UNC5D: variants seen among roughly 807,000 people sequenced by gnomAD.
The protein encoded by UNC5D is netrin receptor UNC5D.
UNC5D carries 39 observed loss-of-function variants against 105.4 expected under a neutral mutation model. The observed-to-expected ratio is 0.37, with a 90% confidence interval of 0.29 to 0.48. UNC5D has a LOEUF of 0.48. UNC5D is among the 20% of genes least tolerant of loss of function. The pLI is 0.98. For synonymous variants in UNC5D, 452 were observed against 450.4 expected (o/e 1.00, Z -0.04); for missense variants, 991 against 1,202.4 (o/e 0.82, Z 2.60).
At chr8:35,323,453 C>T (rs1809908991) in intron 1 of UNC5D, among the ~76,000 whole-genome samples, 1 of 151,956 alleles carries the variant, frequency 6.6e-6, no homozygotes, top group Admixed American at 6.6e-5. Flanking sequence ...CCTGGCTGCC[C>T]CAACCCCCTT....
intron 9 of UNC5D, among the ~76,000 whole-genome samples, chr8:35,723,446 T>C (rs563721878): frequency 6.6e-6 from 1 of 152,284 alleles, no homozygotes; most frequent in East Asian, 1.9e-4. Flanking sequence ...GTGGTGTTAC[T>C]CAAGCTGGAG....
chr8:35,271,677 AT>A (rs1321739658), intron 1 of UNC5D, among the ~76,000 whole-genome samples: 1 of 37,752 alleles, frequency 2.6e-5, no homozygotes, highest in East Asian at 7.8e-3. Context: ...AGGTATACAT[AT>A]ATATGTATAC....
intron 4 of UNC5D, among the ~76,000 whole-genome samples, chr8:35,644,164 C>G (rs1027989060): frequency 6.6e-6 from 1 of 152,076 alleles, no homozygotes; most frequent in Admixed American, 6.6e-5. Context: ...AGTCCAGGCT[C>G]TACTGGGTTA....
intron 15 of UNC5D, among the ~76,000 whole-genome samples, chr8:35,772,909 A>G (rs1361436107): frequency 2.0e-5 from 3 of 151,762 alleles, no homozygotes; most frequent in Non-Finnish European, 4.4e-5. Flanking sequence ...CTCAGCTCCC[A>G]GAAGCCACCC....
rs1012145434 is a variant in UNC5D, at chr8:35,507,626, G to A, written c.104-41666G>A. ...TGGGAAGAGTAGTGGGGTGATGGGG[G>A]AGGTAAAGGGGAGGTGGGGATGGTT... On this transcript the variant is annotated intron_variant, in intron 1 of 16. Transcript: ENST00000404895. Among the ~76,000 whole-genome samples the A allele has an allele frequency of 2.6e-5, 4 of 151,864 alleles. No homozygotes were observed. In the South Asian group the frequency reaches 8.4e-4, roughly 32 times the overall value.
chr8:35,294,107 A>G (rs1807285087), intron 1 of UNC5D, among the ~76,000 whole-genome samples: 1 of 152,170 alleles, frequency 6.6e-6, no homozygotes, highest in African/African-American at 2.4e-5. Context: ...ATGTAACTCA[A>G]AGACTGGCAG....
chr8:35,612,723 C>CTTTTTTGTTTT (rs1820766003), intron 4 of UNC5D, among the ~76,000 whole-genome samples: 1 of 64,740 alleles, frequency 1.5e-5, no homozygotes, highest in Non-Finnish European at 2.6e-5. Flanking sequence ...AATGTTTTGC[C>CTTTTTTGTTTT]TTTTTTTTTT....
chr8:35,729,025 G>A (rs996665225), intron 10 of UNC5D, among the ~76,000 whole-genome samples: 7 of 152,116 alleles, frequency 4.6e-5, no homozygotes, highest in African/African-American at 7.2e-5. Flanking sequence ...CAGACTCCAC[G>A]TAGTATTTGC....
intron 4 of UNC5D, among the ~76,000 whole-genome samples, chr8:35,616,679 T>A (rs1269955997): frequency 6.6e-6 from 1 of 152,198 alleles, no homozygotes; most frequent in Admixed American, 6.5e-5. Flanking sequence ...TTGTTTCCTC[T>A]TGTAGGAGAT....
At chr8:35,353,311 AAC>A (rs1383829046) in intron 1 of UNC5D, among the ~76,000 whole-genome samples, 5 of 152,208 alleles carry the variant, frequency 3.3e-5, no homozygotes, top group Non-Finnish European at 7.3e-5. Flanking sequence ...TTACAATTGT[AAC>A]AGTTAGAGTT....
At chr8:35,728,218 A>T (rs1358026989) in intron 10 of UNC5D, among the ~76,000 whole-genome samples, 1 of 151,702 alleles carries the variant, frequency 6.6e-6, no homozygotes, top group Non-Finnish European at 1.5e-5. Flanking sequence ...CTCAGTTATT[A>T]GTTGATAAAC....
chr8:35,665,518 T>G (rs1395002170), intron 4 of UNC5D, among the ~76,000 whole-genome samples: 1 of 152,162 alleles, frequency 6.6e-6, no homozygotes, highest in Non-Finnish European at 1.5e-5. Flanking sequence ...TATTTTAATT[T>G]ATTGCTTTCT....
At chr8:35,563,478 G>A (rs1817110954) in intron 2 of UNC5D, among the ~76,000 whole-genome samples, 1 of 151,186 alleles carries the variant, frequency 6.6e-6, no homozygotes, top group African/African-American at 2.4e-5. Context: ...TTTGTATTCT[G>A]CAACTCTATA....
At chr8:35,512,790 G>A (rs1812845134) in intron 1 of UNC5D, among the ~76,000 whole-genome samples, 1 of 151,374 alleles carries the variant, frequency 6.6e-6, no homozygotes, top group South Asian at 2.1e-4. Context: ...ACATTAAGGA[G>A]GTTTTGTTAT....
intron 1 of UNC5D, among the ~76,000 whole-genome samples, chr8:35,297,349 C>T (rs1807569870): frequency 6.6e-6 from 1 of 152,146 alleles, no homozygotes; most frequent in Admixed American, 6.5e-5. Flanking sequence ...CAATAAATTA[C>T]AGGCATCTAC....
intron 4 of UNC5D, among the ~76,000 whole-genome samples, chr8:35,609,199 A>G (rs1482407999): frequency 2.6e-5 from 4 of 152,040 alleles, no homozygotes; most frequent in South Asian, 2.1e-4. Flanking sequence ...GGCCATTTGT[A>G]TGTCTTCTTT....
intron 4 of UNC5D, among the ~76,000 whole-genome samples, chr8:35,650,746 A>T (rs1442711815): frequency 6.6e-6 from 1 of 152,162 alleles, no homozygotes; most frequent in Non-Finnish European, 1.5e-5. Flanking sequence ...TGCTGGGATT[A>T]TAGGCATGAG....
At chr8:35,432,839 G>A (rs932520709) in intron 1 of UNC5D, among the ~76,000 whole-genome samples, 5 of 152,040 alleles carry the variant, frequency 3.3e-5, no homozygotes, top group Admixed American at 6.5e-5. Context: ...TATCACTTTC[G>A]AGGCCAAGGC....
chr8:35,555,128 A>G (rs1290318464), intron 2 of UNC5D, among the ~76,000 whole-genome samples: 7 of 152,230 alleles, frequency 4.6e-5, no homozygotes, highest in African/African-American at 1.7e-4. Flanking sequence ...TTTAGGCCAC[A>G]TAGCACAGAA....
Sources: gnomAD v4.1 joint callset for allele counts (sites outside exome capture counted in the v4.1 genomes callset) on GRCh38, gnomAD v4.1.1 for gene constraint, MANE v1.5 for transcripts, NCBI Gene and HGNC (gene_info 2026-07-23, HGNC 2026-07-21) for gene names.